Variants in PCDH9 observed in about 807,000 individuals in gnomAD.
The protein encoded by PCDH9 is protocadherin 9, also known as protocadherin-9.
A neutral mutation model predicts 70.6 loss-of-function variants in PCDH9; 24 were observed. The observed-to-expected ratio is 0.34, with a 90% CI of 0.25 to 0.48. The LOEUF is 0.48. PCDH9 is among the 20% of genes least tolerant of loss of function. The pLI is 0.99. For synonymous variants in PCDH9, 562 were observed against 558.5 expected (o/e 1.01, Z -0.09); for missense variants, 1,281 against 1,503.6 (o/e 0.85, Z 2.45).
chr13:67,183,156 A>T (rs1471059188), intron 2 of PCDH9, among the ~76,000 whole-genome samples: 1 of 152,166 alleles, frequency 6.6e-6, no homozygotes, highest in Admixed American at 6.5e-5. Context: ...CTTCACTACC[A>T]AACACTGCAA....
At chr13:66,607,582 TTA>T (rs2077237124) in intron 4 of PCDH9, among the ~76,000 whole-genome samples, 1 of 152,096 alleles carries the variant, frequency 6.6e-6, no homozygotes, top group African/African-American at 2.4e-5. Context: ...CTGTAATTAG[TTA>T]TGTTACATAA....
intron 3 of PCDH9, among the ~76,000 whole-genome samples, chr13:66,788,302 G>A (rs990924403): frequency 4.0e-5 from 6 of 151,894 alleles, no homozygotes; most frequent in African/African-American, 1.5e-4. Flanking sequence ...CTCTCAAAAG[G>A]CCTCGCCTCC....
At chr13:66,969,359 T>C (rs2083480834) in intron 2 of PCDH9, among the ~76,000 whole-genome samples, 1 of 151,962 alleles carries the variant, frequency 6.6e-6, no homozygotes, top group African/African-American at 2.4e-5. Context: ...TTCAATGTCT[T>C]ATTGCCCATT....
chr13:66,679,219 C>T (rs918245373), intron 3 of PCDH9, among the ~76,000 whole-genome samples: 1 of 151,532 alleles, frequency 6.6e-6, no homozygotes, highest in African/African-American at 2.4e-5. Context: ...AAAGGTTTAG[C>T]TACAGTCTTT....
chr13:66,814,782 G>T (rs1441406407), intron 3 of PCDH9, among the ~76,000 whole-genome samples: 1 of 152,044 alleles, frequency 6.6e-6, no homozygotes, highest in African/African-American at 2.4e-5. Context: ...AGACTTAAAT[G>T]TAAAACCTAA....
chr13:66,734,845 T>C (rs2079124342), intron 3 of PCDH9, among the ~76,000 whole-genome samples: 1 of 152,190 alleles, frequency 6.6e-6, no homozygotes, highest in Non-Finnish European at 1.5e-5. Context: ...GCACTTAGTA[T>C]GTACTAAAGC....
rs376104811 is a variant in PCDH9 at position 67,225,849 on chromosome 13, C to T, written c.2592G>A (p.Lys864=). 6.2e-7 allele frequency: 1 copy of T among 1,613,980 alleles called. No individual in the cohort carries two copies. Among genetic ancestry groups the T allele is most frequent in the Non-Finnish European group, 8.5e-7 (1 of 1,179,998 alleles). Residue 864 remains lysine (K), a synonymous_variant, in exon 2 of 5, where the codon AAG becomes AAA. Transcript: ENST00000377865. The stretch of plus-strand genomic sequence containing the variant: ...TCTTTCTTTTCTTTTTCTTGTTTTG[C>T]TTGTTCTCCTGGTTTGGGGACATCC... The part of the protein sequence containing the change: ...AEWMSPNQEN[K]QNKKKKRKKR...
chr13:66,663,426 C>A (rs1320118478), intron 3 of PCDH9, among the ~76,000 whole-genome samples: 1 of 152,064 alleles, frequency 6.6e-6, no homozygotes, highest in Non-Finnish European at 1.5e-5. Context: ...GCCTTAGAGA[C>A]TAGACATATA....
intron 4 of PCDH9, among the ~76,000 whole-genome samples, chr13:66,569,111 C>T (rs1219267808): frequency 7.1e-6 from 1 of 141,070 alleles, no homozygotes. Context: ...AAGCAATTAT[C>T]TTGCCTCAGC....
intron 3 of PCDH9, among the ~76,000 whole-genome samples, chr13:66,772,969 A>G: frequency 6.6e-6 from 1 of 152,174 alleles, no homozygotes; most frequent in East Asian, 1.9e-4. Flanking sequence ...TTGACTACAA[A>G]AGATACCAGC....
chr13:67,228,996 G>A (rs1433639809), intron 1 of PCDH9, among the ~76,000 whole-genome samples: 6 of 152,200 alleles, frequency 3.9e-5, no homozygotes, highest in Non-Finnish European at 7.3e-5. Flanking sequence ...CATGTCAAAT[G>A]TGTTTTCTTC....
chr13:67,104,536 C>T (rs1239848988), intron 2 of PCDH9, among the ~76,000 whole-genome samples: 1 of 152,082 alleles, frequency 6.6e-6, no homozygotes, highest in African/African-American at 2.4e-5. Flanking sequence ...ACTTATAAAT[C>T]ATATCTTGTT....
At chr13:67,125,870 T>C (rs1400531320) in intron 2 of PCDH9, among the ~76,000 whole-genome samples, 3 of 152,042 alleles carry the variant, frequency 2.0e-5, no homozygotes, top group African/African-American at 7.2e-5. Context: ...TGTATGTATG[T>C]ATGCATGTGT....
intron 4 of PCDH9, among the ~76,000 whole-genome samples, chr13:66,335,481 T>A (rs1215842844): frequency 6.6e-6 from 1 of 152,164 alleles, no homozygotes; most frequent in South Asian, 2.1e-4. Flanking sequence ...ATTTTTGCAG[T>A]ACTTATATAC....
At chr13:66,675,963 G>A (rs917856854) in intron 3 of PCDH9, among the ~76,000 whole-genome samples, 1 of 152,052 alleles carries the variant, frequency 6.6e-6, no homozygotes. Context: ...TGCATTACAC[G>A]AAGTAATTTG....
intron 4 of PCDH9, among the ~76,000 whole-genome samples, chr13:66,316,592 ATTC>A (rs1474734068): frequency 6.6e-6 from 1 of 152,110 alleles, no homozygotes; most frequent in Admixed American, 6.5e-5. Context: ...TGCCTGGAAT[ATTC>A]TTCTCCTGGG....
intron 2 of PCDH9, among the ~76,000 whole-genome samples, chr13:67,006,286 C>T (rs1003517298): frequency 1.6e-4 from 25 of 152,082 alleles, no homozygotes; most frequent in Non-Finnish European, 4.4e-5. Flanking sequence ...TTATAACACC[C>T]TAAGTCCAAG....
chr13:66,885,684 C>T (rs1461635170), intron 3 of PCDH9, among the ~76,000 whole-genome samples: 2 of 151,958 alleles, frequency 1.3e-5, no homozygotes, highest in Non-Finnish European at 1.5e-5. Context: ...TTAATAAAGG[C>T]CTTTTAGTCT....
At chr13:66,961,073 TTAAC>T (rs765198306) in intron 2 of PCDH9, among the ~76,000 whole-genome samples, 1 of 152,200 alleles carries the variant, frequency 6.6e-6, no homozygotes, top group South Asian at 2.1e-4. Context: ...TGTACTGACT[TTAAC>T]TGACTATAGT....
Sources: gnomAD v4.1 joint callset for allele counts (sites outside exome capture counted in the v4.1 genomes callset) on GRCh38, gnomAD v4.1.1 for gene constraint, MANE v1.5 for transcripts, NCBI Gene and HGNC (gene_info 2026-07-23, HGNC 2026-07-21) for gene names.